The following CCNI variants were observed in gnomAD, a reference collection of about 807,000 sequenced individuals.
CCNI encodes cyclin-I.
In CCNI, 14 loss-of-function variants were observed where a neutral mutation model predicts 34.1. The ratio of observed to expected loss-of-function variants is 0.41; its 90% CI spans 0.27 to 0.64. CCNI has a LOEUF of 0.64. Ranked by LOEUF, CCNI falls within the 30% of genes least tolerant of loss-of-function variation. CCNI has a pLI of 0.31. For synonymous variants in CCNI, 154 were observed against 158.4 expected (o/e 0.97, Z 0.21); for missense variants, 385 against 440.5 (o/e 0.87, Z 1.13).
chr4:77,075,305 C>G (rs897177611), intron 1 of CCNI, 167 bp downstream of exon 1: 2 of 155,860 alleles, frequency 1.3e-5, no homozygotes, highest in African/African-American at 4.8e-5. Flanking sequence ...AAGAGGGCGG[C>G]CCCGAGGTTC....
intron 2 of CCNI, among the ~76,000 whole-genome samples, chr4:77,060,399 T>C (rs990930318): frequency 2.6e-5 from 4 of 152,200 alleles, no homozygotes; most frequent in African/African-American, 7.2e-5. Flanking sequence ...TATGAAGTTA[T>C]TTTAAACACT....
chr4:77,073,938 G>A (rs1376278709), intron 1 of CCNI, among the ~76,000 whole-genome samples: 4 of 152,106 alleles, frequency 2.6e-5, no homozygotes, highest in African/African-American at 9.7e-5. Flanking sequence ...TGTTCAAAGC[G>A]CTATGCCATA....
chr4:77,072,511 C>T (rs546352676), intron 1 of CCNI, among the ~76,000 whole-genome samples: 2 of 149,808 alleles, frequency 1.3e-5, no homozygotes, highest in East Asian at 3.9e-4. Flanking sequence ...CACACACCTG[C>T]CTGTAGTCTC....
intron 1 of CCNI, among the ~76,000 whole-genome samples, chr4:77,069,815 T>C (rs1578256148): frequency 6.6e-6 from 1 of 151,766 alleles, no homozygotes; most frequent in East Asian, 1.9e-4. Flanking sequence ...TGGTACCTTC[T>C]TTTTTTTGAT....
At chr4:77,062,184 C>T (rs1258041659) in intron 2 of CCNI, among the ~76,000 whole-genome samples, 1 of 152,172 alleles carries the variant, frequency 6.6e-6, no homozygotes, top group African/African-American at 2.4e-5. Flanking sequence ...TACTCCCCGC[C>T]AGATACTTTT....
chr4:77,074,073 C>T (rs867595311), intron 1 of CCNI, among the ~76,000 whole-genome samples: 7 of 152,132 alleles, frequency 4.6e-5, no homozygotes, highest in African/African-American at 1.7e-4. Context: ...AAGAAACATA[C>T]ATAGGAAGAT....
intron 1 of CCNI, among the ~76,000 whole-genome samples, chr4:77,072,255 C>A (rs1485990262): frequency 6.6e-6 from 1 of 151,922 alleles, no homozygotes; most frequent in Non-Finnish European, 1.5e-5. Context: ...AAGAATCACT[C>A]TTTGCTCACT....
chr4:77,049,892 C>T (rs1390482505), intron 6 of CCNI, among the ~76,000 whole-genome samples: 4 of 152,072 alleles, frequency 2.6e-5, no homozygotes, highest in Admixed American at 6.6e-5. Flanking sequence ...TGTCTCTCTT[C>T]CTCACTTTCA....
rs35437385 is a variant in CCNI, at chr4:77,056,586, C to CTTT, written c.244-266_244-264dup. 3.3e-3 allele frequency: 529 copies of CTTT among 161,312 alleles called. 5 individuals carry two copies. The highest frequency in any genetic ancestry group is 0.011 in the African/African-American group (333 of 31,438). The allele number at this position is 161,312 out of a possible 1,614,324, so 10.0% of individuals were successfully genotyped here. On this transcript the variant is annotated intron_variant, in intron 3 of 6. Transcript: ENST00000237654. ...CAAGATCAAGTGTGTCTAGAGCTAA[C>CTTT]TTTTTTTTTTTTTTTTTTTTTGAGA... is the stretch of plus-strand genomic sequence containing the variant.
chr4:77,075,545 CG>C lies in CCNI; in HGVS notation c.-118del, dbSNP rs1383503067. 6 of 988,552 alleles carry C rather than the reference CG, an allele frequency of 6.1e-6. No individual in the cohort carries two copies. Among genetic ancestry groups the C allele is most frequent in the Non-Finnish European group, 6.0e-6 (5 of 830,710 alleles). The allele number at this position is 988,552 out of a possible 1,614,324, so 61.2% of individuals were successfully genotyped here. The stretch of plus-strand genomic sequence containing the variant: ...CTCACAGTGGTGACGCGGGGTCATC[CG>C]GGGGCCCGTTACCACCTCATTCTCA... On this transcript the variant is annotated 5_prime_UTR_variant, in exon 1 of 7. Coordinates refer to ENST00000237654, the MANE Select transcript of CCNI (RefSeq NM_006835.3).
chr4:77,070,550 T>C (rs1729384637), intron 1 of CCNI, among the ~76,000 whole-genome samples: 1 of 151,346 alleles, frequency 6.6e-6, no homozygotes, highest in African/African-American at 2.4e-5. Flanking sequence ...AAAAAGGTCA[T>C]CCTGTTATAT....
In CCNI at chr4:77,047,543, C is replaced by G. The variant is rs1260301474; in HGVS notation, c.*676G>C. The G allele has an allele frequency of 6.6e-6, 1 of 152,144 alleles. No homozygotes were observed. The highest frequency in any genetic ancestry group is 1.5e-5 in the Non-Finnish European group (1 of 68,022). 9.4% of individuals were successfully genotyped at this position (152,144 alleles called of 1,614,324 possible). ...AATGTCGAAAATGCTTTCAACAAAC[C>G]TAAGTGTCCTAATTACATGCCACTT... On this transcript the variant is annotated 3_prime_UTR_variant, in exon 7 of 7. Transcript: ENST00000237654.
chr4:77,068,138 A>G (rs560426450), intron 1 of CCNI, among the ~76,000 whole-genome samples: 2 of 152,296 alleles, frequency 1.3e-5, no homozygotes, highest in East Asian at 3.9e-4. Flanking sequence ...AGATTGCACC[A>G]CTGCACTCCA....
intron 6 of CCNI, 39 bp from the exon 7 acceptor site, chr4:77,048,701 A>G: frequency 7.0e-7 from 1 of 1,438,732 alleles, no homozygotes. Context: ...ACAGTTGATC[A>G]TTAATTAACA....
At chr4:77,048,748 CCCTGTGCTTTCCGT>C in intron 6 of CCNI, 86 bp from the exon 7 acceptor site, 3 of 1,016,152 alleles carry the variant, frequency 3.0e-6, no homozygotes, top group Middle Eastern at 4.4e-4. Context: ...CATTTTTCCT[CCCTGTGCTTTCCGT>C]CCCCGCTGAG....
At chr4:77,071,013 A>G (rs1729426447) in intron 1 of CCNI, among the ~76,000 whole-genome samples, 1 of 152,206 alleles carries the variant, frequency 6.6e-6, no homozygotes, top group African/African-American at 2.4e-5. Flanking sequence ...AGCTACAACC[A>G]AATGGATCCA....
At chr4:77,052,492 T>TAGTGGGAGGTA (rs1345439774) in intron 6 of CCNI, among the ~76,000 whole-genome samples, 1 of 152,056 alleles carries the variant, frequency 6.6e-6, no homozygotes, top group Non-Finnish European at 1.5e-5. Flanking sequence ...TAAGGGGGTG[T>TAGTGGGAGGTA]AGTGGGAGGT....
At chr4:77,068,782 C>A (rs996722088) in intron 1 of CCNI, among the ~76,000 whole-genome samples, 1 of 151,830 alleles carries the variant, frequency 6.6e-6, no homozygotes, top group Admixed American at 6.6e-5. Flanking sequence ...AATAGCAAAC[C>A]ACTTCTTTAA....
At position 77,055,393 on chromosome 4, in the gene CCNI, A is replaced by C. The variant is rs1578236638; in HGVS notation, c.460-13T>G. ...CAATGGCATGGAACTGAAAATCACA[A>C]GAACATCATTTTAACTTTATTTAAA... On this transcript the variant is annotated splice_polypyrimidine_tract_variant and intron_variant, in intron 5 of 6. Transcript: ENST00000237654. 6.6e-7 allele frequency: 1 copy of C among 1,526,536 alleles called. No homozygotes were observed. The highest frequency in any genetic ancestry group is 2.3e-5 in the East Asian group (1 of 44,404). 94.6% of individuals were successfully genotyped at this position (1,526,536 alleles called of 1,614,324 possible). A position where few individuals can be genotyped will look rare whatever the true frequency, so the allele number is the denominator to read the frequency against.
Sources: gnomAD v4.1 joint callset for allele counts (sites outside exome capture counted in the v4.1 genomes callset) on GRCh38, gnomAD v4.1.1 for gene constraint, MANE v1.5 for transcripts, NCBI Gene and HGNC (gene_info 2026-07-23, HGNC 2026-07-21) for gene names.